The following SLC6A11 variants were observed in gnomAD, a reference collection of about 807,000 sequenced individuals.
The protein encoded by SLC6A11 is sodium- and chloride-dependent GABA transporter 3.
SLC6A11 carries 25 observed loss-of-function variants against 74.8 expected under a neutral mutation model. The ratio of observed to expected loss-of-function variants is 0.33; its 90% CI spans 0.24 to 0.47. The LOEUF (loss-of-function observed/expected upper bound fraction) is 0.47, where lower values mean the gene tolerates loss of function less well. SLC6A11 is among the 20% of genes least tolerant of loss of function. The pLI is 1.00. For missense variants in SLC6A11, 574 were observed against 837.0 expected (o/e 0.69, Z 3.88); for synonymous variants, 330 against 330.2 (o/e 1.00, Z 0.01).
At chr3:10,909,856 C>G (rs1695363193) in intron 6 of SLC6A11, among the ~76,000 whole-genome samples, 1 of 152,222 alleles carries the variant, frequency 6.6e-6, no homozygotes, top group Non-Finnish European at 1.5e-5. Flanking sequence ...CTTCTCAAGT[C>G]TTTAACACTT....
chr3:10,869,588 C>T (rs557307680), intron 5 of SLC6A11, among the ~76,000 whole-genome samples: 1 of 152,358 alleles, frequency 6.6e-6, no homozygotes, highest in Non-Finnish European at 1.5e-5. Flanking sequence ...CTGGCACGTT[C>T]CCCAATAGCA....
At chr3:10,924,668 A>T (rs1341289112) in intron 8 of SLC6A11, among the ~76,000 whole-genome samples, 1 of 152,218 alleles carries the variant, frequency 6.6e-6, no homozygotes, top group East Asian at 1.9e-4. Context: ...CTAATGAAAA[A>T]AAAAGGACCA....
At position 10,874,961 on chromosome 3, in the gene SLC6A11, G is replaced by A. The variant is rs1260876582; in HGVS notation, c.757G>A (p.Val253Ile). Residue 253 changes from valine (V) to isoleucine (I), a missense_variant and splice_region_variant, in exon 6 of 14, where the codon GTT (valine) becomes ATT (isoleucine). Coordinates refer to ENST00000254488, the MANE Select transcript of SLC6A11 (RefSeq NM_014229.3). The stretch of plus-strand genomic sequence containing the variant: ...TTCTGTCCTCTCCTCTTGTGCACAG[G>A]TTGTATACGTGACTGCGACATTCCC... ...IWKGTKSTGK[V>I]VYVTATFPYI... 4.3e-6 allele frequency: 7 copies of A among 1,609,258 alleles called. No homozygotes were observed. The highest frequency in any genetic ancestry group is 5.9e-6 in the Non-Finnish European group (7 of 1,177,200).
intron 4 of SLC6A11, among the ~76,000 whole-genome samples, chr3:10,827,586 C>G (rs1271476492): frequency 1.3e-5 from 2 of 152,176 alleles, no homozygotes; most frequent in African/African-American, 4.8e-5. Context: ...GTCAGGGCCA[C>G]ATTGCTCAGT....
At chr3:10,872,373 G>A (rs1449489454) in intron 5 of SLC6A11, among the ~76,000 whole-genome samples, 1 of 152,260 alleles carries the variant, frequency 6.6e-6, no homozygotes, top group African/African-American at 2.4e-5. Context: ...TGGGCATGGA[G>A]TGAGGATGTC....
chr3:10,927,231 C>T (rs1005600002), intron 9 of SLC6A11, among the ~76,000 whole-genome samples: 3 of 152,166 alleles, frequency 2.0e-5, no homozygotes, highest in East Asian at 1.9e-4. Flanking sequence ...GCAGAGGTCT[C>T]GGAGGGATTG....
At chr3:10,895,048 C>T (rs1695154269) in intron 6 of SLC6A11, among the ~76,000 whole-genome samples, 1 of 152,140 alleles carries the variant, frequency 6.6e-6, no homozygotes, top group Non-Finnish European at 1.5e-5. Context: ...TCTTCTTCCT[C>T]TGTGAAGTGG....
intron 5 of SLC6A11, among the ~76,000 whole-genome samples, chr3:10,866,582 C>T (rs1280744575): frequency 1.3e-5 from 2 of 152,228 alleles, no homozygotes; most frequent in Non-Finnish European, 2.9e-5. Context: ...TTAGGCCCCA[C>T]ACACGGGCTA....
chr3:10,847,218 G>A (rs1694515638), intron 5 of SLC6A11, among the ~76,000 whole-genome samples: 1 of 152,138 alleles, frequency 6.6e-6, no homozygotes, highest in Admixed American at 6.5e-5. Context: ...TTCCAGCATT[G>A]GGGACCATAC....
intron 5 of SLC6A11, among the ~76,000 whole-genome samples, chr3:10,846,307 A>G (rs1204452933): frequency 6.6e-6 from 1 of 152,196 alleles, no homozygotes; most frequent in Non-Finnish European, 1.5e-5. Flanking sequence ...TGAACTGTGA[A>G]GAGAAGGGAG....
At chr3:10,852,026 C>T (rs1694582679) in intron 5 of SLC6A11, among the ~76,000 whole-genome samples, 1 of 152,176 alleles carries the variant, frequency 6.6e-6, no homozygotes, top group African/African-American at 2.4e-5. Context: ...CTCAATGAGG[C>T]ATAAAGCAGG....
At chr3:10,848,214 A>G (rs764718352) in intron 5 of SLC6A11, among the ~76,000 whole-genome samples, 4 of 152,182 alleles carry the variant, frequency 2.6e-5, no homozygotes, top group Non-Finnish European at 5.9e-5. Context: ...CTGGCCTTTC[A>G]TCAGTAGACC....
chr3:10,841,179 C>T (rs973131934), intron 4 of SLC6A11, among the ~76,000 whole-genome samples: 16 of 152,180 alleles, frequency 1.1e-4, no homozygotes, highest in Non-Finnish European at 1.3e-4. Flanking sequence ...CAGCATTTCC[C>T]GCTCCCTGAA....
Position 10,849,794 on chromosome 3 carries a change from CAAAAAAAAAAAAAAAAAA to C in SLC6A11, c.756+5459_756+5476del, listed in dbSNP as rs56099322. Among the ~76,000 whole-genome samples the C allele has an allele frequency of 4.6e-4, 40 of 87,276 alleles. No homozygotes were observed. In the South Asian group the frequency reaches 0.014, roughly 31 times the overall value. 57.3% of individuals were successfully genotyped at this position (87,276 alleles called of 152,430 possible). ...TATCTCTGTGCATACTTGTTGAAGC[CAAAAAAAAAAAAAAAAAA>C]AAAAAAAAAACGAAAAAAAACCCTT... On this transcript the variant is annotated intron_variant, in intron 5 of 13. Transcript: ENST00000254488.
chr3:10,884,356 G>T (rs1278216363), intron 6 of SLC6A11, among the ~76,000 whole-genome samples: 1 of 152,178 alleles, frequency 6.6e-6, no homozygotes, highest in Non-Finnish European at 1.5e-5. Context: ...TCAGCAAATA[G>T]TTGAAAATTA....
intron 7 of SLC6A11, among the ~76,000 whole-genome samples, chr3:10,913,369 C>T (rs1412758659): frequency 6.6e-6 from 1 of 152,054 alleles, no homozygotes; most frequent in African/African-American, 2.4e-5. Flanking sequence ...TCAAAATAAC[C>T]ACCTCCATAA....
chr3:10,823,815 GGA>G (rs1694169126), intron 4 of SLC6A11: 1 of 171,990 alleles, frequency 5.8e-6, no homozygotes. Context: ...TGGAAAAGAA[GGA>G]GATCAAATTT....
intron 4 of SLC6A11, among the ~76,000 whole-genome samples, chr3:10,836,603 C>T (rs746942247): frequency 3.3e-5 from 5 of 152,218 alleles, no homozygotes; most frequent in Non-Finnish European, 4.4e-5. Context: ...CGGAACACTT[C>T]TCAATAAATT....
At chr3:10,889,395 A>G (rs1288548821) in intron 6 of SLC6A11, among the ~76,000 whole-genome samples, 1 of 152,104 alleles carries the variant, frequency 6.6e-6, no homozygotes, top group Non-Finnish European at 1.5e-5. Flanking sequence ...TCACGCACCC[A>G]CCACTGCAGT....
Sources: allele counts gnomAD v4.1 joint callset (sites outside exome capture counted in the v4.1 genomes callset), GRCh38; gene constraint gnomAD v4.1.1; transcripts MANE v1.5; gene names NCBI Gene and HGNC (gene_info 2026-07-23, HGNC 2026-07-21).